AP1B1: variants seen among roughly 807,000 people sequenced by gnomAD.
AP1B1 encodes the protein adaptor related protein complex 1 subunit beta 1.
In AP1B1, 36 loss-of-function variants were observed where a neutral mutation model predicts 104.3. The ratio of observed to expected loss-of-function variants is 0.35; its 90% CI spans 0.26 to 0.46. The LOEUF is 0.46. Ranked by LOEUF, AP1B1 falls within the 20% of genes least tolerant of loss-of-function variation. The probability of loss-of-function intolerance (pLI) is 1.00; values close to 1 mark genes in which losing one functional copy is unlikely to be tolerated. For synonymous variants in AP1B1, 504 were observed against 517.5 expected (o/e 0.97, Z 0.35); for missense variants, 901 against 1,247.9 (o/e 0.72, Z 4.19).
chr22:29,340,674 G>A lies in AP1B1; in HGVS notation c.1980C>T (p.Gly660=), dbSNP rs748849742. The A allele has an allele frequency of 1.3e-5, 21 of 1,565,124 alleles. No homozygotes were observed. The highest frequency in any genetic ancestry group is 1.6e-5 in the Non-Finnish European group (18 of 1,153,646). The change falls in exon 14 of 23, where the codon GGC becomes GGT. Residue 660 remains glycine, a synonymous_variant. Transcript: ENST00000357586. The part of the protein sequence containing the change: ...SVQMGAVDLL[G]GGLDSLMGDE... Reference sequence around the variant, plus strand: ...AACATACCAGGCTGTCAAGGCCACCGCCAAGAAGGTCCACAGCTCCCATCT... The same window carrying A: ...AACATACCAGGCTGTCAAGGCCACCACCAAGAAGGTCCACAGCTCCCATCT...
chr22:29,374,102 G>A (rs2062292241), intron 1 of AP1B1, among the ~76,000 whole-genome samples: 2 of 151,308 alleles, frequency 1.3e-5, no homozygotes, highest in South Asian at 4.2e-4. Flanking sequence ...TTGGGAGGCT[G>A]AGGTGGGAGA....
At chr22:29,344,666 A>G (rs2061764075) in intron 11 of AP1B1, among the ~76,000 whole-genome samples, 1 of 151,786 alleles carries the variant, frequency 6.6e-6, no homozygotes, top group Non-Finnish European at 1.5e-5. Flanking sequence ...CTAGGATTAC[A>G]GGCACACACC....
At chr22:29,361,256 A>T (rs1309947410) in intron 3 of AP1B1, among the ~76,000 whole-genome samples, 1 of 151,994 alleles carries the variant, frequency 6.6e-6, no homozygotes, top group Non-Finnish European at 1.5e-5. Flanking sequence ...CCCTTCCCGG[A>T]GCTGCTGGCA....
At chr22:29,357,655 T>C (rs1400140285) in intron 5 of AP1B1, among the ~76,000 whole-genome samples, 4 of 151,166 alleles carry the variant, frequency 2.6e-5, no homozygotes, top group Admixed American at 6.6e-5. Context: ...CATGTAATCC[T>C]GTATGAGCCA....
At chr22:29,340,369 C>T (rs1052892605) in intron 14 of AP1B1, among the ~76,000 whole-genome samples, 24 of 152,130 alleles carry the variant, frequency 1.6e-4, no homozygotes, top group Non-Finnish European at 1.5e-5. Flanking sequence ...GGCTAGGATG[C>T]GCCTCCCTGC....
intron 4 of AP1B1, 161 bp downstream of exon 4, chr22:29,359,663 G>A (rs1360141493): frequency 2.4e-6 from 2 of 842,326 alleles, no homozygotes; most frequent in Non-Finnish European, 3.6e-6. Flanking sequence ...TCTGGAGAGT[G>A]GGAGCCCTCT....
At chr22:29,385,839 T>G (rs986623446) in intron 1 of AP1B1, among the ~76,000 whole-genome samples, 7 of 152,192 alleles carry the variant, frequency 4.6e-5, no homozygotes, top group African/African-American at 1.7e-4. Context: ...ATGTCAGGCT[T>G]TGGTGCCAGA....
chr22:29,330,645 G>T lies in AP1B1; in HGVS notation c.2589C>A (p.Ile863=). 6.2e-7 allele frequency: 1 copy of T among 1,613,966 alleles called. No homozygotes were observed. Among genetic ancestry groups the T allele is most frequent in the Non-Finnish European group, 8.5e-7 (1 of 1,180,010 alleles). ...CACCTGCATTGAGGGGGCAGTCTCT[G>T]ATCTGGAACTGGGCCTCATTCTCAT... The part of the protein sequence containing the change: ...IPNENEAQFQ[I]RDCPLNAEAA... The change falls in exon 20 of 23, where the codon ATC becomes ATA. Residue 863 remains isoleucine (I), a synonymous_variant. Transcript: ENST00000357586.
At chr22:29,380,422 CAT>C (rs1485433674) in intron 1 of AP1B1, among the ~76,000 whole-genome samples, 1 of 151,878 alleles carries the variant, frequency 6.6e-6, no homozygotes, top group African/African-American at 2.4e-5. Flanking sequence ...CCCGGGCACA[CAT>C]GTCCAAACTG....
At chr22:29,358,037 A>G (rs947507860) in intron 5 of AP1B1, among the ~76,000 whole-genome samples, 2 of 152,156 alleles carry the variant, frequency 1.3e-5, no homozygotes, top group Non-Finnish European at 2.9e-5. Context: ...TTTCTCTGTG[A>G]ACCATCCAGT....
rs174765 is a variant in AP1B1, at chr22:29,331,877, C to T, written c.2349G>A (p.Ala783=). The change falls in exon 18 of 23, where the codon GCG becomes GCA. Residue 783 remains alanine, a synonymous_variant. Transcript: ENST00000357586. ...CCACTGTCTGGTTGGGGCTGAGTGG[C>T]GCGTGGACCTGGAGGGGGGCGGCGG... The part of the protein sequence containing the change: ...LAPAAPLQVH[A]PLSPNQTVEI... 895,488 of 1,612,808 alleles carry T rather than the reference C, an allele frequency of 0.56. 251,050 individuals carry two copies. Among genetic ancestry groups the T allele is most frequent in the East Asian group, 0.68 (30,678 of 44,840 alleles).
intron 22 of AP1B1, chr22:29,329,251 A>C: frequency 8.6e-7 from 1 of 1,159,094 alleles, no homozygotes. Context: ...TCAGGACTGA[A>C]GCCTGACAGA....
intron 8 of AP1B1, 190 bp downstream of exon 8, chr22:29,351,515 A>G: frequency 1.1e-6 from 1 of 881,120 alleles, no homozygotes; most frequent in Non-Finnish European, 1.7e-6. Context: ...GATAACATGG[A>G]GAAACATTCT....
At chr22:29,343,159 G>C (rs2061739370) in intron 11 of AP1B1, among the ~76,000 whole-genome samples, 1 of 152,244 alleles carries the variant, frequency 6.6e-6, no homozygotes, top group African/African-American at 2.4e-5. Context: ...ATCTATGCGA[G>C]AACAAGTCTC....
chr22:29,334,658 C>T (rs1266915986), intron 16 of AP1B1, among the ~76,000 whole-genome samples: 2 of 152,216 alleles, frequency 1.3e-5, no homozygotes, highest in Non-Finnish European at 2.9e-5. Flanking sequence ...CACTTCAGCG[C>T]TCCAGGGCTG....
chr22:29,341,414 G>T, intron 13 of AP1B1, 87 bp downstream of exon 13: 1 of 1,514,914 alleles, frequency 6.6e-7, no homozygotes, highest in Non-Finnish European at 8.9e-7. Context: ...TCTTGCTGGG[G>T]GACAACACGC....
intron 3 of AP1B1, 81 bp downstream of exon 3, chr22:29,362,920 G>A: frequency 1.3e-6 from 1 of 766,116 alleles, no homozygotes; most frequent in Non-Finnish European, 2.4e-6. Context: ...ACACCCTAAA[G>A]GAGAGACTGA....
chr22:29,352,652 G>A (rs957295548), intron 7 of AP1B1, among the ~76,000 whole-genome samples: 2 of 152,186 alleles, frequency 1.3e-5, no homozygotes, highest in African/African-American at 4.8e-5. Context: ...GTCCTGGCTG[G>A]GCACAGCAGC....
In AP1B1 at chr22:29,351,776, C is replaced by T; in HGVS notation, c.988G>A (p.Asp330Asn). 1.2e-6 allele frequency: 2 copies of T among 1,614,148 alleles called. No homozygotes were observed. Among genetic ancestry groups the T allele is most frequent in the Non-Finnish European group, 1.7e-6 (2 of 1,180,012 alleles). Residue 330 changes from aspartate (D) to asparagine (N), a missense_variant, in exon 8 of 23, where the codon GAC (aspartate) becomes AAC (asparagine). Transcript: ENST00000357586. ...TTCTCCAGCTTCACGTAGATAGGGTCGTTGTACTTCACGAAGAACACCTTC... is the reference window on the plus strand; with the variant it reads ...TTCTCCAGCTTCACGTAGATAGGGTTGTTGTACTTCACGAAGAACACCTTC... ...EMKVFFVKYN[D>N]PIYVKLEKLD... is the part of the protein sequence containing the mutation.
Sources: allele counts gnomAD v4.1 joint callset (sites outside exome capture counted in the v4.1 genomes callset), GRCh38; gene constraint gnomAD v4.1.1; transcripts MANE v1.5; gene names NCBI Gene and HGNC (gene_info 2026-07-23, HGNC 2026-07-21).